ANKRD22: variants seen among roughly 807,000 people sequenced by gnomAD.
ANKRD22 encodes the protein ankyrin repeat domain-containing protein 22.
ANKRD22 carries 24 observed loss-of-function variants against 25.7 expected under a neutral mutation model. The ratio of observed to expected loss-of-function variants is 0.93; its 90% CI spans 0.68 to 1.31. The LOEUF (loss-of-function observed/expected upper bound fraction) is 1.31. Ranked by LOEUF, ANKRD22 falls within the 50% of genes most tolerant of loss-of-function variation. ANKRD22 has a pLI of 0.00. For missense variants in ANKRD22, 214 were observed against 227.1 expected, an observed-to-expected ratio of 0.94 and a Z score of 0.37; for synonymous variants, 84 against 84.3, an observed-to-expected ratio of 1.00 and a Z score of 0.02.
intron 3 of ANKRD22, 148 bp downstream of exon 3, chr10:88,828,411 T>C: frequency 7.6e-6 from 5 of 661,216 alleles, no homozygotes; most frequent in Non-Finnish European, 1.3e-5. Flanking sequence ...TAGCATTGGA[T>C]GTATGTTGAA....
Position 88,851,627 on chromosome 10 carries a change from A to G in ANKRD22, c.-20T>C. 6.2e-7 allele frequency: 1 copy of G among 1,613,142 alleles called. No homozygotes were observed. The highest frequency in any genetic ancestry group is 8.5e-7 in the Non-Finnish European group (1 of 1,179,328). ...TCCCATGCTGGTCCTTCACAGGCTT[A>G]CTTCACCTCTACAGCTCCTTGAATC... On this transcript the variant is annotated 5_prime_UTR_variant, in exon 1 of 6. Transcript: ENST00000371930.
At chr10:88,836,153 C>T (rs957854003) in intron 1 of ANKRD22, among the ~76,000 whole-genome samples, 3 of 152,146 alleles carry the variant, frequency 2.0e-5, no homozygotes, top group African/African-American at 7.2e-5. Flanking sequence ...GTTTTTACAA[C>T]TTCATCTCCT....
At chr10:88,823,502 C>T (rs1843821788) in intron 4 of ANKRD22, 124 bp from the exon 5 acceptor site, 2 of 748,042 alleles carry the variant, frequency 2.7e-6, no homozygotes, top group Non-Finnish European at 4.5e-6. Context: ...AAATAGTCTG[C>T]AAACCATTGA....
At chr10:88,851,465 T>A in intron 1 of ANKRD22, 122 bp downstream of exon 1, 1 of 1,026,752 alleles carries the variant, frequency 9.7e-7, no homozygotes, top group South Asian at 1.3e-5. Context: ...TCTGACTTAA[T>A]GCTCCCCCAG....
intron 1 of ANKRD22, among the ~76,000 whole-genome samples, chr10:88,850,775 T>C (rs1347212930): frequency 2.0e-5 from 3 of 152,090 alleles, no homozygotes; most frequent in African/African-American, 7.2e-5. Flanking sequence ...CGGAGAGATA[T>C]ATACACACAT....
intron 1 of ANKRD22, 123 bp from the exon 2 acceptor site, chr10:88,832,149 T>C (rs558121759): frequency 1.8e-6 from 2 of 1,091,430 alleles, no homozygotes; most frequent in East Asian, 5.5e-5. Flanking sequence ...TATATTGCTT[T>C]GCAGGTGAGA....
Position 88,825,009 on chromosome 10 carries a change from T to TCACACA in ANKRD22, c.399+1028_399+1029insTGTGTG, listed in dbSNP as rs771803296. ...TGCTCTCTCTCTCTCTCTCTCTCTC[T>TCACACA]CTCACACACACACACACACACACAC... On this transcript the variant is annotated intron_variant, in intron 4 of 5. Coordinates refer to ENST00000371930, the MANE Select transcript of ANKRD22 (RefSeq NM_144590.3). Among the ~76,000 whole-genome samples, 852 of 132,860 alleles carry TCACACA rather than the reference T, an allele frequency of 6.4e-3. 12 individuals carry two copies. The highest frequency in any genetic ancestry group is 0.022 in the African/African-American group (798 of 35,704). The allele number at this position is 132,860 out of a possible 152,430, so 87.2% of individuals were successfully genotyped here.
rs1843768908 is a variant in ANKRD22, at chr10:88,820,114, A to G, written c.*2827T>C. 1 of 758,820 alleles carries G rather than the reference A, an allele frequency of 1.3e-6. No individual in the cohort carries two copies. Among genetic ancestry groups the G allele is most frequent in the South Asian group, 2.0e-5 (1 of 50,162 alleles). 47.0% of individuals were successfully genotyped at this position (758,820 alleles called of 1,614,324 possible). A position where few individuals can be genotyped will look rare whatever the true frequency, so the allele number is the denominator to read the frequency against. ...TTCTTAACAGAGTTGTGTGGCTCTA[A>G]CACCCATGTACCCTTCACCACAACA... is the stretch of plus-strand genomic sequence containing the variant. On this transcript the variant is annotated 3_prime_UTR_variant, in exon 6 of 6. Coordinates refer to ENST00000371930, the MANE Select transcript of ANKRD22 (RefSeq NM_144590.3).
chr10:88,835,332 T>C (rs1843943649), intron 1 of ANKRD22, among the ~76,000 whole-genome samples: 1 of 152,206 alleles, frequency 6.6e-6, no homozygotes, highest in Non-Finnish European at 1.5e-5. Context: ...GGAAGCTAAG[T>C]GTCTTCCTTC....
chr10:88,825,934 G>A, intron 4 of ANKRD22, 104 bp downstream of exon 4: 1 of 974,544 alleles, frequency 1.0e-6, no homozygotes, highest in African/African-American at 1.6e-5. Flanking sequence ...AAAACTAAAT[G>A]TAAAATTGTC....
At chr10:88,829,036 G>A in intron 2 of ANKRD22, among the ~76,000 whole-genome samples, 2 of 152,180 alleles carry the variant, frequency 1.3e-5, no homozygotes, top group East Asian at 3.8e-4. Flanking sequence ...TCTACCATGT[G>A]TACGATTATC....
chr10:88,844,198 G>A (rs1372427885), intron 1 of ANKRD22, among the ~76,000 whole-genome samples: 2 of 152,128 alleles, frequency 1.3e-5, no homozygotes, highest in African/African-American at 2.4e-5. Context: ...TGAGACAAGA[G>A]CTCGATTTGA....
intron 1 of ANKRD22, among the ~76,000 whole-genome samples, chr10:88,837,151 C>T (rs1843961704): frequency 6.6e-6 from 1 of 152,186 alleles, no homozygotes; most frequent in Non-Finnish European, 1.5e-5. Context: ...TGGAAACAAA[C>T]TCTCTGGGTT....
chr10:88,851,367 A>G (rs1318602879), intron 1 of ANKRD22, among the ~76,000 whole-genome samples: 1 of 152,212 alleles, frequency 6.6e-6, no homozygotes, highest in African/African-American at 2.4e-5. Context: ...ATCTCAACTT[A>G]GATCTAGCTA....
At chr10:88,849,571 T>C (rs1478525843) in intron 1 of ANKRD22, among the ~76,000 whole-genome samples, 1 of 152,128 alleles carries the variant, frequency 6.6e-6, no homozygotes, top group Non-Finnish European at 1.5e-5. Context: ...AGTGACTACC[T>C]TTTCCTCAGT....
intron 1 of ANKRD22, among the ~76,000 whole-genome samples, chr10:88,847,036 C>T (rs569042389): frequency 4.6e-5 from 7 of 152,232 alleles, no homozygotes; most frequent in African/African-American, 1.4e-4. Flanking sequence ...TTCAGTTCAT[C>T]GTGATAGATC....
intron 1 of ANKRD22, among the ~76,000 whole-genome samples, chr10:88,832,882 A>G (rs1218376567): frequency 2.0e-5 from 3 of 152,170 alleles, no homozygotes; most frequent in African/African-American, 7.2e-5. Context: ...CATGTTTGGT[A>G]CCTTCCATCT....
At position 88,831,820 on chromosome 10, in the gene ANKRD22, A is replaced by T. The variant is rs76253150; in HGVS notation, c.213+15T>A. ...TCATGAACAATTACACTCTCCATTC[A>T]TGTCATGACCTCACCTGGTTTTTGA... On this transcript the variant is annotated intron_variant, in intron 2 of 5. Transcript: ENST00000371930. 5.0e-6 allele frequency: 8 copies of T among 1,587,060 alleles called. No individual in the cohort carries two copies. Among genetic ancestry groups the T allele is most frequent in the African/African-American group, 1.4e-5 (1 of 73,692 alleles).
chr10:88,840,035 A>G (rs142652159), intron 1 of ANKRD22, among the ~76,000 whole-genome samples: 1 of 152,300 alleles, frequency 6.6e-6, no homozygotes, highest in African/African-American at 2.4e-5. Context: ...AATGGAAGTA[A>G]AAATTTAATG....
Sources: allele counts gnomAD v4.1 joint callset (sites outside exome capture counted in the v4.1 genomes callset), GRCh38; gene constraint gnomAD v4.1.1; transcripts MANE v1.5; gene names NCBI Gene and HGNC (gene_info 2026-07-23, HGNC 2026-07-21).